Variants in GPC3 observed in about 807,000 individuals in gnomAD.
GPC3 encodes the protein glypican 3.
A neutral mutation model predicts 34.4 loss-of-function variants in GPC3; 3 were observed. That is an observed-to-expected ratio of 0.09 (90% CI 0.04 to 0.23). The LOEUF (loss-of-function observed/expected upper bound fraction) is 0.23, where lower values mean the gene tolerates loss of function less well. GPC3 is among the 10% of genes least tolerant of loss of function. GPC3 has a pLI of 1.00. For missense variants in GPC3, 351 were observed against 445.6 expected, an observed-to-expected ratio of 0.79 and a Z score of 1.91; for synonymous variants, 177 against 174.0, an observed-to-expected ratio of 1.02 and a Z score of -0.13.
In GPC3 at chrX:133,535,753, T is replaced by G; in HGVS notation, c.*371A>C. On this transcript the variant is annotated 3_prime_UTR_variant, in exon 8 of 8. Coordinates refer to ENST00000370818, the MANE Select transcript of GPC3 (RefSeq NM_004484.4). ...AAAAAAGGGCCAATACATTTTTATTTGAGCAATTTATTTTTTTTCAAAGAA... is the reference window on the plus strand; with the variant it reads ...AAAAAAGGGCCAATACATTTTTATTGGAGCAATTTATTTTTTTTCAAAGAA... 4.7e-6 allele frequency: 1 copy of G among 214,865 alleles called. No individual in the cohort carries two copies. The highest frequency in any genetic ancestry group is 8.5e-6 in the Non-Finnish European group (1 of 117,503). The allele number at this position is 214,865 out of a possible 1,213,427, so 17.7% of individuals were successfully genotyped here. A position where few individuals can be genotyped will look rare whatever the true frequency, so the allele number is the denominator to read the frequency against.
chrX:133,918,661 G>A (rs1003947718), intron 2 of GPC3, among the ~76,000 whole-genome samples: 3 of 112,053 alleles, frequency 2.7e-5, no homozygotes, highest in Non-Finnish European at 3.8e-5. Context: ...GAAAACACTA[G>A]TGTATGGTCC....
chrX:133,767,440 A>AC (rs1315888801), intron 2 of GPC3, among the ~76,000 whole-genome samples: 1 of 111,930 alleles, frequency 8.9e-6, no homozygotes, highest in Non-Finnish European at 1.9e-5. Context: ...CTCAACTCTA[A>AC]CCATAAAACT....
At chrX:133,881,632 C>T (rs973894802) in intron 2 of GPC3, among the ~76,000 whole-genome samples, 2 of 112,322 alleles carry the variant, frequency 1.8e-5, no homozygotes, top group Non-Finnish European at 3.8e-5. Flanking sequence ...TTGGTGAAAA[C>T]ATGCTTTTTA....
chrX:133,664,583 T>A (rs1230154766), intron 5 of GPC3, among the ~76,000 whole-genome samples: 1 of 111,589 alleles, frequency 9.0e-6, no homozygotes, highest in East Asian at 2.8e-4. Flanking sequence ...GCTTCTGTAA[T>A]CTTGTTTATA....
chrX:133,826,388 T>C (rs1408997394), intron 2 of GPC3, among the ~76,000 whole-genome samples: 8 of 111,545 alleles, frequency 7.2e-5, no homozygotes, highest in Non-Finnish European at 1.1e-4. Flanking sequence ...AGCTTAAAAG[T>C]GAAATAACTA....
intron 6 of GPC3, among the ~76,000 whole-genome samples, chrX:133,625,705 A>G (rs1400201789): frequency 2.7e-5 from 3 of 111,528 alleles, no homozygotes; most frequent in Non-Finnish European, 5.7e-5. Flanking sequence ...CTCATGGATA[A>G]GAAGAATCAA....
intron 2 of GPC3, among the ~76,000 whole-genome samples, chrX:133,827,796 T>A (rs1177416622): frequency 1.9e-5 from 2 of 104,729 alleles, no homozygotes. Flanking sequence ...GAAAAAAAAA[T>A]TAGCTGGGCA....
At chrX:133,867,652 C>A (rs2075974433) in intron 2 of GPC3, among the ~76,000 whole-genome samples, 1 of 109,383 alleles carries the variant, frequency 9.1e-6, no homozygotes, top group South Asian at 4.1e-4. Flanking sequence ...ATCTTCAAGC[C>A]TGAAGACCTG....
At chrX:133,630,975 T>C (rs2070359361) in intron 6 of GPC3, among the ~76,000 whole-genome samples, 1 of 112,060 alleles carries the variant, frequency 8.9e-6, no homozygotes, top group Non-Finnish European at 1.9e-5. Flanking sequence ...TATCTCCTCA[T>C]GCAGAGTCAC....
intron 1 of GPC3, among the ~76,000 whole-genome samples, chrX:133,973,099 C>T (rs1242081577): frequency 1.8e-5 from 2 of 111,216 alleles, no homozygotes; most frequent in East Asian, 5.7e-4. Context: ...AGAGGGCAAA[C>T]AAGCAAAGAC....
At chrX:133,729,345 G>A (rs1053874941) in intron 3 of GPC3, among the ~76,000 whole-genome samples, 21 of 111,599 alleles carry the variant, frequency 1.9e-4, no homozygotes, top group African/African-American at 5.5e-4. Flanking sequence ...TTCCTTCCCA[G>A]CAGTCATCTA....
chrX:133,637,194 G>A (rs374311083), intron 6 of GPC3, among the ~76,000 whole-genome samples: 8 of 111,611 alleles, frequency 7.2e-5, no homozygotes, highest in African/African-American at 2.3e-4. Flanking sequence ...GATGTGCGGC[G>A]TGGTGGCTCA....
intron 2 of GPC3, among the ~76,000 whole-genome samples, chrX:133,868,260 C>T (rs1472880797): frequency 2.7e-5 from 3 of 112,160 alleles, no homozygotes; most frequent in South Asian, 3.7e-4. Context: ...CTAGCTCCTG[C>T]TCCTGCCTGT....
intron 5 of GPC3, among the ~76,000 whole-genome samples, chrX:133,674,101 C>T (rs1349887141): frequency 2.7e-5 from 3 of 110,468 alleles, no homozygotes; most frequent in African/African-American, 6.6e-5. Flanking sequence ...GTGGTGCATG[C>T]CTGTGGTCCC....
intron 5 of GPC3, among the ~76,000 whole-genome samples, chrX:133,667,189 T>C (rs2070776242): frequency 1.8e-5 from 2 of 112,326 alleles, no homozygotes; most frequent in African/African-American, 6.5e-5. Context: ...CATAATTATC[T>C]TTATTTTTGT....
intron 4 of GPC3, among the ~76,000 whole-genome samples, chrX:133,693,249 T>C (rs1476086240): frequency 9.3e-6 from 1 of 108,008 alleles, no homozygotes; most frequent in African/African-American, 3.4e-5. Context: ...GAGAATATAT[T>C]ATGTCTGCAA....
chrX:133,728,400 G>C (rs2071433005), intron 3 of GPC3, among the ~76,000 whole-genome samples: 1 of 111,938 alleles, frequency 8.9e-6, no homozygotes, highest in Non-Finnish European at 1.9e-5. Flanking sequence ...AGAAGGAGAA[G>C]ATGAAGGAGG....
At chrX:133,680,991 A>G (rs1287198677) in intron 5 of GPC3, among the ~76,000 whole-genome samples, 1 of 111,855 alleles carries the variant, frequency 8.9e-6, no homozygotes, top group Admixed American at 9.5e-5. Context: ...AGGAAATAAC[A>G]TAAAAATGAG....
intron 5 of GPC3, among the ~76,000 whole-genome samples, chrX:133,682,695 G>A (rs974314083): frequency 2.7e-5 from 3 of 111,539 alleles, no homozygotes; most frequent in African/African-American, 9.8e-5. Flanking sequence ...GGCCGGGCGC[G>A]GTGGCTCACG....
Sources: gnomAD v4.1 joint callset for allele counts (sites outside exome capture counted in the v4.1 genomes callset) on GRCh38, gnomAD v4.1.1 for gene constraint, MANE v1.5 for transcripts, NCBI Gene and HGNC (gene_info 2026-07-23, HGNC 2026-07-21) for gene names.